CDH22: variants seen among roughly 807,000 people sequenced by gnomAD.
CDH22 encodes cadherin 22.
A neutral mutation model predicts 58.4 loss-of-function variants in CDH22; 30 were observed. That is an observed-to-expected ratio of 0.51 (90% CI 0.38 to 0.70). CDH22 has a LOEUF of 0.70. Among genes scored for constraint, CDH22 ranks in the 30% least tolerant of loss-of-function variants. The probability of loss-of-function intolerance (pLI) is 0.00; values close to 1 mark genes in which losing one functional copy is unlikely to be tolerated. For missense variants in CDH22, 1,014 were observed against 1,233.9 expected, an observed-to-expected ratio of 0.82 and a Z score of 2.67; for synonymous variants, 513 against 558.2, an observed-to-expected ratio of 0.92 and a Z score of 1.14.
chr20:46,174,355 G>C lies in CDH22; in HGVS notation c.*151C>G. The C allele has an allele frequency of 1.8e-6, 1 of 570,178 alleles. No homozygotes were observed. Among genetic ancestry groups the C allele is most frequent in the Non-Finnish European group, 3.0e-6 (1 of 337,020 alleles). The allele number at this position is 570,178 out of a possible 1,614,324, so 35.3% of individuals were successfully genotyped here. On this transcript the variant is annotated 3_prime_UTR_variant, in exon 12 of 12. Transcript: ENST00000537909. This position sits in a 1 kb window ranked among gnomAD's most constrained non-coding sequence, Gnocchi z 4.4. ...CCCCTAGAGGAGGAGGAATGGAAGA[G>C]TCCGCTCCTAGCAAGTCCCCCCTCC...
intron 8 of CDH22, among the ~76,000 whole-genome samples, chr20:46,188,975 A>G (rs57288679): frequency 2.1e-5 from 3 of 141,532 alleles, no homozygotes; most frequent in East Asian, 1.9e-4. Flanking sequence ...AGGCTCCCCA[A>G]GAGTTTCACG....
intron 2 of CDH22, among the ~76,000 whole-genome samples, 183 bp downstream of exon 2, chr20:46,250,857 G>A (rs2086366683): frequency 6.6e-6 from 1 of 152,200 alleles, no homozygotes; most frequent in Non-Finnish European, 1.5e-5. Context: ...AAGGAGAGGA[G>A]GGCATGGGGC....
chr20:46,259,943 C>T (rs1414088547), intron 1 of CDH22, among the ~76,000 whole-genome samples: 2 of 152,194 alleles, frequency 1.3e-5, no homozygotes, highest in Non-Finnish European at 2.9e-5. Flanking sequence ...AATTCATCCC[C>T]CATCCTTCTT....
intron 2 of CDH22, among the ~76,000 whole-genome samples, chr20:46,246,212 T>G (rs903693509): frequency 5.9e-5 from 9 of 152,222 alleles, no homozygotes; most frequent in Admixed American, 3.9e-4. Flanking sequence ...GTCCAGGATT[T>G]AAACGGAAAG....
chr20:46,274,217 T>G (rs941664846), intron 1 of CDH22, among the ~76,000 whole-genome samples: 4 of 152,100 alleles, frequency 2.6e-5, no homozygotes, highest in African/African-American at 9.7e-5. Flanking sequence ...GGAAGCTTTC[T>G]GGGGATTGGG....
At chr20:46,232,949 G>C (rs1353637201) in intron 3 of CDH22, among the ~76,000 whole-genome samples, 2 of 152,250 alleles carry the variant, frequency 1.3e-5, no homozygotes, top group East Asian at 3.8e-4. Flanking sequence ...GCAGCACAGA[G>C]AGAGGGGTCA....
At chr20:46,286,824 C>T (rs904923449) in intron 1 of CDH22, among the ~76,000 whole-genome samples, 1 of 152,296 alleles carries the variant, frequency 6.6e-6, no homozygotes, top group Admixed American at 6.5e-5. Flanking sequence ...CTCTAGAAAG[C>T]CCTATGGCTC....
intron 1 of CDH22, among the ~76,000 whole-genome samples, chr20:46,272,633 G>A (rs2086497223): frequency 6.6e-6 from 1 of 152,202 alleles, no homozygotes; most frequent in African/African-American, 2.4e-5. Flanking sequence ...AGCAGAACTA[G>A]AGGTCAGCAT....
intron 10 of CDH22, among the ~76,000 whole-genome samples, chr20:46,184,244 A>C (rs1365893476): frequency 1.3e-5 from 2 of 152,004 alleles, no homozygotes; most frequent in Non-Finnish European, 2.9e-5. Flanking sequence ...GATTACAGGC[A>C]TGCGCCACCC....
At chr20:46,264,191 C>A (rs145636670) in intron 1 of CDH22, among the ~76,000 whole-genome samples, 96 of 152,212 alleles carry the variant, frequency 6.3e-4, no homozygotes, top group African/African-American at 2.1e-3. Flanking sequence ...CTCACAATAA[C>A]CCCATAAAGT....
chr20:46,276,842 T>C lies in CDH22; in HGVS notation c.-399-25149A>G, dbSNP rs549082131. 5.3e-5 allele frequency among the ~76,000 whole-genome samples: 8 copies of C among 152,314 alleles called. No homozygotes were observed. In the South Asian group the frequency reaches 1.4e-3, roughly 28 times the overall value. The stretch of plus-strand genomic sequence containing the variant: ...GCCAGATCCACAGAGTGTGAGCTTC[T>C]CCACCTAAGTGGAGATGTCAAATGG... On this transcript the variant is annotated intron_variant, in intron 1 of 11. Coordinates refer to ENST00000537909, the MANE Select transcript of CDH22 (RefSeq NM_021248.3).
chr20:46,226,283 C>T (rs2086173473), intron 4 of CDH22, among the ~76,000 whole-genome samples: 6 of 2,538 alleles, frequency 2.4e-3, no homozygotes, highest in Non-Finnish European at 5.5e-3. Flanking sequence ...TCTTCTTCTT[C>T]TTCTTCTTCT....
intron 7 of CDH22, 34 bp from the exon 8 acceptor site, chr20:46,199,593 C>T (rs762345855): frequency 1.2e-6 from 2 of 1,605,250 alleles, no homozygotes; most frequent in African/African-American, 2.7e-5. Flanking sequence ...ATTGAAGGTG[C>T]CCCAGTGCCA....
At chr20:46,292,668 C>T (rs563749587) in intron 1 of CDH22, among the ~76,000 whole-genome samples, 17 of 152,318 alleles carry the variant, frequency 1.1e-4, no homozygotes, top group African/African-American at 3.6e-4. Context: ...CATTCACCTT[C>T]AAGCAGCCAA....
intron 10 of CDH22, among the ~76,000 whole-genome samples, chr20:46,181,752 C>CTTCTTTCTTTCTTTCT (rs1191055789): frequency 0.03 from 785 of 26,220 alleles, 37 homozygotes; most frequent in Middle Eastern, 0.083. Flanking sequence ...TCCTTCCTTC[C>CTTCTTTCTTTCTTTCT]TTCTTTCTTT....
intron 1 of CDH22, among the ~76,000 whole-genome samples, chr20:46,265,898 A>G (rs879843046): frequency 1.9e-4 from 29 of 148,942 alleles, no homozygotes; most frequent in Non-Finnish European, 3.7e-4. Flanking sequence ...CTGTTGTTCT[A>G]TTGTTTTGTC....
chr20:46,292,407 CA>C (rs1329274415), intron 1 of CDH22, among the ~76,000 whole-genome samples: 2 of 152,222 alleles, frequency 1.3e-5, no homozygotes, highest in Non-Finnish European at 2.9e-5. Context: ...GACCAGATTT[CA>C]AATCCTAGCT....
At chr20:46,297,843 C>T (rs1420302576) in intron 1 of CDH22, among the ~76,000 whole-genome samples, 1 of 152,002 alleles carries the variant, frequency 6.6e-6, no homozygotes, top group Non-Finnish European at 1.5e-5. Context: ...GACCCACTAC[C>T]CAGGTGCCCT....
At position 46,308,028 on chromosome 20, in the gene CDH22, G is replaced by A. The variant is rs1393223900; in HGVS notation, c.-400+227C>T. On this transcript the variant is annotated intron_variant, in intron 1 of 11. Transcript: ENST00000537909. This position sits in a 1 kb window ranked among gnomAD's most constrained non-coding sequence, Gnocchi z 4.3. ...TCGGGCCGAGAGGCGGCTCGGCTCCGCGCCGGGGAAAGTTTGGACGTGGGA... is the reference window on the plus strand; with the variant it reads ...TCGGGCCGAGAGGCGGCTCGGCTCCACGCCGGGGAAAGTTTGGACGTGGGA... Among the ~76,000 whole-genome samples the A allele has an allele frequency of 6.6e-6, 1 of 151,682 alleles. No individual in the cohort carries two copies. Among genetic ancestry groups the A allele is most frequent in the African/African-American group, 2.4e-5 (1 of 41,368 alleles).
Sources: gnomAD v4.1 joint callset for allele counts (sites outside exome capture counted in the v4.1 genomes callset) on GRCh38, gnomAD v4.1.1 for gene constraint, Gnocchi (gnomAD v3.1) non-coding constraint, MANE v1.5 for transcripts, NCBI Gene and HGNC (gene_info 2026-07-23, HGNC 2026-07-21) for gene names.